CELSR1: variants seen among roughly 807,000 people sequenced by gnomAD.
The protein encoded by CELSR1 is adhesion G protein-coupled receptor C1.
In CELSR1, 110 loss-of-function variants were observed where a neutral mutation model predicts 249.1. The ratio of observed to expected loss-of-function variants is 0.44; its 90% confidence interval spans 0.38 to 0.52. The LOEUF is 0.52. CELSR1 is among the 20% of genes least tolerant of loss of function. The pLI is 0.00. For missense variants in CELSR1, 4,109 were observed against 4,296.4 expected (o/e 0.96, Z 1.22); for synonymous variants, 2,113 against 1,900.0 (o/e 1.11, Z -2.92).
Position 46,380,781 on chromosome 22 carries a change from C to T in CELSR1, c.7256+7G>A. 6.2e-7 allele frequency: 1 copy of T among 1,611,494 alleles called. No individual in the cohort carries two copies. ...CCCTCACATGGGGCTCCTGGCGTCA[C>T]ACTTACGCCAGGGAGTGGTTCCAGA... On this transcript the variant is annotated splice_region_variant and intron_variant, in intron 22 of 34. Transcript: ENST00000674500. This position sits in a 1 kb window ranked among gnomAD's most constrained non-coding sequence, Gnocchi z 5.1.
intron 4 of CELSR1, among the ~76,000 whole-genome samples, chr22:46,435,132 A>T (rs867885986): frequency 6.6e-6 from 1 of 151,814 alleles, no homozygotes; most frequent in African/African-American, 2.4e-5. Flanking sequence ...TATTTTTTTT[A>T]AAAGAGACAG....
chr22:46,451,389 A>C (rs1439478945), intron 2 of CELSR1, among the ~76,000 whole-genome samples: 1 of 152,226 alleles, frequency 6.6e-6, no homozygotes, highest in Non-Finnish European at 1.5e-5. Flanking sequence ...TGATCTCCAG[A>C]CACACCCATT....
chr22:46,384,560 C>A lies in CELSR1; in HGVS notation c.6866G>T (p.Arg2289Ile). 6.2e-7 allele frequency: 1 copy of A among 1,611,030 alleles called. No homozygotes were observed. The highest frequency in any genetic ancestry group is 8.5e-7 in the Non-Finnish European group (1 of 1,178,692). The stretch of plus-strand genomic sequence containing the variant: ...GGTTTTACCTTTTTCTTCAGGTGGT[C>A]TGAAGAAGTCGGCTGGGAAGGAGAC... ...SSVSFPADFF[R>I]PPEEKEGPLL... is the part of the protein sequence containing the mutation. The change falls in exon 20 of 35, where the codon AGA (arginine) becomes ATA (isoleucine). Residue 2289 changes from arginine (R) to isoleucine (I), a missense_variant. Physicochemically the swap from Arg to Ile is moderately conservative, Grantham distance 97. Around this residue, in one of 7 missense-constraint regions of CELSR1, gnomAD observed 1,805 missense variants for 1,831.6 expected, o/e 0.99. Transcript: ENST00000674500.
intron 2 of CELSR1, among the ~76,000 whole-genome samples, chr22:46,449,330 CA>C (rs2079855485): frequency 2.0e-5 from 3 of 148,646 alleles, no homozygotes; most frequent in Admixed American, 6.6e-5. Flanking sequence ...TCCATCCATC[CA>C]ACCACATCAC....
intron 9 of CELSR1, among the ~76,000 whole-genome samples, chr22:46,405,936 C>G (rs1193544345): frequency 6.6e-6 from 1 of 152,120 alleles, no homozygotes; most frequent in African/African-American, 2.4e-5. Context: ...CTTCTGGGTG[C>G]CCAGTGGGGT....
chr22:46,463,140 T>C (rs573922113), intron 2 of CELSR1, among the ~76,000 whole-genome samples: 1 of 152,356 alleles, frequency 6.6e-6, no homozygotes, highest in East Asian at 1.9e-4. Context: ...CCTACTGTTC[T>C]CCTAAAGCAG....
At chr22:46,531,930 G>A (rs1335203113) in intron 1 of CELSR1, among the ~76,000 whole-genome samples, 1 of 144,336 alleles carries the variant, frequency 6.9e-6, no homozygotes, top group East Asian at 2.1e-4. Context: ...CCACAAAGGA[G>A]CAGAGCCAAT....
rs1011082241 is a variant in CELSR1 at position 46,380,043 on chromosome 22, ACT to A, written c.7256+743_7256+744del. 7.2e-5 allele frequency among the ~76,000 whole-genome samples: 11 copies of A among 152,196 alleles called. No individual in the cohort carries two copies. The highest frequency in any genetic ancestry group is 2.7e-4 in the African/African-American group (11 of 41,452). Reference sequence around the variant, plus strand: ...ACTCAAATGTCCACACCTCACGTGAACTCTGCAGCTAAAAAGCAAAACCAAAG... The same window carrying A: ...ACTCAAATGTCCACACCTCACGTGAACTGCAGCTAAAAAGCAAAACCAAAG... On this transcript the variant is annotated intron_variant, in intron 22 of 34. Coordinates refer to ENST00000674500, the MANE Select transcript of CELSR1 (RefSeq NM_001378328.1). This position sits in a 1 kb window ranked among gnomAD's most constrained non-coding sequence, Gnocchi z 5.1.
chr22:46,495,365 A>T (rs1242734515), intron 1 of CELSR1, among the ~76,000 whole-genome samples: 2 of 152,248 alleles, frequency 1.3e-5, no homozygotes, highest in African/African-American at 2.4e-5. Context: ...AGAACATGGT[A>T]TAACATTAAA....
At chr22:46,504,370 C>T (rs373516768) in intron 1 of CELSR1, among the ~76,000 whole-genome samples, 8 of 151,824 alleles carry the variant, frequency 5.3e-5, no homozygotes, top group Admixed American at 2.0e-4. Context: ...AAAAATTAGC[C>T]GGGTATGGTG....
rs145497298 is a variant in CELSR1 at position 46,364,711 on chromosome 22, C to T, written c.8580G>A (p.Pro2860=). 207 of 1,612,274 alleles carry T rather than the reference C, an allele frequency of 1.3e-4. No individual in the cohort carries two copies. Among genetic ancestry groups the T allele is most frequent in the Non-Finnish European group, 1.6e-4 (191 of 1,179,832 alleles). The change falls in exon 33 of 35, where the codon CCG becomes CCA. Residue 2860 remains proline, a synonymous_variant. Transcript: ENST00000674500. ...PKGDAVANHV[P]AGWPDQSLAE... ...CCAGGCTCTGGTCGGGCCAGCCGGC[C>T]GGAACGTGGTTGGCCACAGCGTCCC... is the stretch of plus-strand genomic sequence containing the variant.
intron 4 of CELSR1, among the ~76,000 whole-genome samples, chr22:46,435,303 A>C (rs1352226639): frequency 1.2e-4 from 14 of 116,700 alleles, no homozygotes; most frequent in Admixed American, 9.3e-4. Flanking sequence ...TTTTTTTGAG[A>C]TGGAGTCTCA....
chr22:46,365,743 G>A (rs1253838884), intron 30 of CELSR1, 54 bp from the exon 31 acceptor site: 18 of 1,406,600 alleles, frequency 1.3e-5, no homozygotes, highest in Non-Finnish European at 1.8e-5. Flanking sequence ...AACAGGAGGT[G>A]CTGGAAAGTT....
At position 46,430,144 on chromosome 22, in the gene CELSR1, G is replaced by A. The variant is rs937351218; in HGVS notation, c.4611+3249C>T. 1.3e-5 allele frequency among the ~76,000 whole-genome samples: 2 copies of A among 152,308 alleles called. No individual in the cohort carries two copies. The highest frequency in any genetic ancestry group is 2.9e-5 in the Non-Finnish European group (2 of 68,028). The stretch of plus-strand genomic sequence containing the variant: ...CATGCTCAGATCTAAAATGCAGGTG[G>A]CCCACACCTCAGAGACACAGCCACT... On this transcript the variant is annotated intron_variant, in intron 5 of 34. Coordinates refer to ENST00000674500, the MANE Select transcript of CELSR1 (RefSeq NM_001378328.1). This position sits in a 1 kb window ranked among gnomAD's most constrained non-coding sequence, Gnocchi z 4.6.
chr22:46,473,479 A>G lies in CELSR1; in HGVS notation c.3545-9134T>C, dbSNP rs1207094841. Among the ~76,000 whole-genome samples the G allele has an allele frequency of 6.6e-6, 1 of 152,172 alleles. No homozygotes were observed. Among genetic ancestry groups the G allele is most frequent in the Non-Finnish European group, 1.5e-5 (1 of 68,012 alleles). ...GCTGGAGACGCAGCCAGTGCCGGGC[A>G]GGAACCAGGGGCCACTTATTCACTG... is the stretch of plus-strand genomic sequence containing the variant. On this transcript the variant is annotated intron_variant, in intron 1 of 34. Coordinates refer to ENST00000674500, the MANE Select transcript of CELSR1 (RefSeq NM_001378328.1). This position sits in a 1 kb window ranked among gnomAD's most constrained non-coding sequence, Gnocchi z 6.6.
rs936088984 is a variant in CELSR1, at chr22:46,464,495, C to T, written c.3545-150G>A. On this transcript the variant is annotated intron_variant, in intron 1 of 34. Coordinates refer to ENST00000674500, the MANE Select transcript of CELSR1 (RefSeq NM_001378328.1). The surrounding 1 kb of genome is among the most constrained non-coding windows in gnomAD (Gnocchi z 8.5). ...CCCCATTCCCCACCCATGACCACCA[C>T]CTTGACCCTTCCTCCTTCAGCACCC... The T allele has an allele frequency of 3.8e-6, 3 of 787,364 alleles. No individual in the cohort carries two copies. Among genetic ancestry groups the T allele is most frequent in the African/African-American group, 3.5e-5 (2 of 56,590 alleles). The allele number at this position is 787,364 out of a possible 1,614,324, so 48.8% of individuals were successfully genotyped here. A position where few individuals can be genotyped will look rare whatever the true frequency, so the allele number is the denominator to read the frequency against.
In CELSR1 at chr22:46,409,145, G is replaced by A. The variant is rs1442011500; in HGVS notation, c.5077C>T (p.Leu1693Phe). The A allele has an allele frequency of 6.2e-7, 1 of 1,613,186 alleles. No individual in the cohort carries two copies. The highest frequency in any genetic ancestry group is 1.3e-5 in the African/African-American group (1 of 75,018). ...NCEQAMPHPQ[L>F]FSGESVVSWS... is the part of the protein sequence containing the mutation. ...GACACGACGCTCTCACCGCTGAAGA[G>A]CTGGGGGTGAGGCATGGCTGCGGAC... is the stretch of plus-strand genomic sequence containing the variant. Residue 1693 changes from leucine to phenylalanine, a missense_variant, in exon 9 of 35, where the codon CTC becomes TTC. Coordinates refer to ENST00000674500, the MANE Select transcript of CELSR1 (RefSeq NM_001378328.1). The surrounding 1 kb of genome is among the most constrained non-coding windows in gnomAD (Gnocchi z 9.8).
At position 46,394,149 on chromosome 22, in the gene CELSR1, T is replaced by C; in HGVS notation, c.5957A>G (p.Gln1986Arg). 2 of 1,613,798 alleles carry C rather than the reference T, an allele frequency of 1.2e-6. No homozygotes were observed. Among genetic ancestry groups the C allele is most frequent in the South Asian group, 1.1e-5 (1 of 91,062 alleles). Residue 1986 changes from glutamine (Q) to arginine (R), a missense_variant, in exon 14 of 35, where the codon CAA becomes CGA. By Grantham distance (43) the Gln-to-Arg change is conservative. Around this residue, in one of 7 missense-constraint regions of CELSR1, gnomAD observed 1,805 missense variants for 1,831.6 expected, o/e 0.99. Transcript: ENST00000674500. ...ATGGGGGCGGGGCCTCACCTTGCAT[T>C]GGCACTGGCCGTTGGTCTTATTACA... ...PDCNKTNGQC[Q>R]CKENYYKLLA...
chr22:46,507,938 G>A (rs1029670425), intron 1 of CELSR1, among the ~76,000 whole-genome samples: 1 of 152,156 alleles, frequency 6.6e-6, no homozygotes, highest in African/African-American at 2.4e-5. Context: ...GTCCTGTGCC[G>A]TGGCCACCCA....
Sources: gnomAD v4.1 joint callset for allele counts (sites outside exome capture counted in the v4.1 genomes callset) on GRCh38, gnomAD v4.1.1 for gene constraint, gnomAD v4.1.1 regional missense constraint, Gnocchi (gnomAD v3.1) non-coding constraint, MANE v1.5 for transcripts, NCBI Gene and HGNC (gene_info 2026-07-23, HGNC 2026-07-21) for gene names.